C8orf34: variants seen among roughly 807,000 people sequenced by gnomAD.
C8orf34 encodes the protein chromosome 8 open reading frame 34.
C8orf34 carries 65 observed loss-of-function variants against 68.3 expected under a neutral mutation model. The ratio of observed to expected loss-of-function variants is 0.95; its 90% CI spans 0.78 to 1.17. The LOEUF is 1.17. C8orf34 is among the 50% of genes most tolerant of loss of function. The pLI is 0.00. For synonymous variants in C8orf34, 244 were observed against 241.2 expected, an observed-to-expected ratio of 1.01 and a Z score of -0.11; for missense variants, 664 against 655.4, an observed-to-expected ratio of 1.01 and a Z score of -0.14.
At chr8:68,683,395 C>G (rs1820424745) in intron 8 of C8orf34, among the ~76,000 whole-genome samples, 2 of 151,294 alleles carry the variant, frequency 1.3e-5, no homozygotes, top group East Asian at 3.9e-4. Flanking sequence ...TGAAGAGGAA[C>G]AAAGATTTCA....
chr8:68,347,317 G>A lies in C8orf34; in HGVS notation c.327+15978G>A, dbSNP rs957458800. 2.6e-5 allele frequency among the ~76,000 whole-genome samples: 4 copies of A among 152,210 alleles called. No homozygotes were observed. In the East Asian group the frequency reaches 7.7e-4, roughly 29 times the overall value. The stretch of plus-strand genomic sequence containing the variant: ...CTCATTCTTTTCTTACGGCTGCATA[G>A]CATTCCATGGTGTATACGTACTACA... On this transcript the variant is annotated intron_variant, in intron 1 of 13. Transcript: ENST00000518698.
chr8:68,751,139 GT>G (rs779097348), intron 10 of C8orf34, among the ~76,000 whole-genome samples: 58 of 152,262 alleles, frequency 3.8e-4, no homozygotes, highest in Admixed American at 7.8e-4. Flanking sequence ...ATATCTCAGA[GT>G]TTTAGGAAAT....
intron 1 of C8orf34, among the ~76,000 whole-genome samples, chr8:68,369,227 A>G (rs187568074): frequency 2.0e-5 from 3 of 152,340 alleles, no homozygotes; most frequent in East Asian, 3.9e-4. Flanking sequence ...CAAATCTCTG[A>G]ACCATTCCAT....
intron 7 of C8orf34, among the ~76,000 whole-genome samples, chr8:68,588,816 C>G (rs139461800): frequency 1.2e-4 from 19 of 152,138 alleles, no homozygotes; most frequent in South Asian, 4.1e-4. Flanking sequence ...AGTTAGTCCT[C>G]TCTAACAATG....
At chr8:68,810,616 C>T (rs955197210) in intron 12 of C8orf34, among the ~76,000 whole-genome samples, 1 of 152,160 alleles carries the variant, frequency 6.6e-6, no homozygotes, top group African/African-American at 2.4e-5. Context: ...AGTTCTTGTC[C>T]TCCATCCAGG....
chr8:68,801,016 G>T (rs868092638), intron 12 of C8orf34, among the ~76,000 whole-genome samples: 2 of 152,228 alleles, frequency 1.3e-5, no homozygotes, highest in South Asian at 4.1e-4. Context: ...TTCTAATTGA[G>T]ATTTCTTTCT....
intron 3 of C8orf34, among the ~76,000 whole-genome samples, chr8:68,453,537 G>A (rs375771933): frequency 1.2e-4 from 19 of 152,060 alleles, no homozygotes; most frequent in African/African-American, 4.1e-4. Flanking sequence ...AGATGCTATC[G>A]TAAATGGAAT....
intron 1 of C8orf34, among the ~76,000 whole-genome samples, chr8:68,388,421 G>T (rs1168926931): frequency 6.6e-6 from 1 of 151,984 alleles, no homozygotes; most frequent in Non-Finnish European, 1.5e-5. Flanking sequence ...TAAAGTACAT[G>T]TAACCACTTT....
intron 10 of C8orf34, among the ~76,000 whole-genome samples, chr8:68,741,989 A>T (rs1056388309): frequency 1.3e-5 from 2 of 152,106 alleles, no homozygotes; most frequent in Non-Finnish European, 2.9e-5. Flanking sequence ...TCTATCTCCA[A>T]AGTTTTTCTA....
chr8:68,420,502 C>T (rs1385819306), intron 1 of C8orf34, among the ~76,000 whole-genome samples: 1 of 151,822 alleles, frequency 6.6e-6, no homozygotes, highest in African/African-American at 2.4e-5. Flanking sequence ...AAATCATTCC[C>T]CAAAACTAAT....
At chr8:68,530,501 C>A in intron 6 of C8orf34, 2 of 382,658 alleles carry the variant, frequency 5.2e-6, no homozygotes, top group East Asian at 8.3e-5. Flanking sequence ...CTAAGAAATC[C>A]AAATTAAAAT....
At chr8:68,630,849 A>T (rs1397315477) in intron 7 of C8orf34, among the ~76,000 whole-genome samples, 2 of 151,768 alleles carry the variant, frequency 1.3e-5, no homozygotes, top group African/African-American at 4.8e-5. Context: ...GCACAATCAG[A>T]GCTCACTGCA....
intron 3 of C8orf34, among the ~76,000 whole-genome samples, chr8:68,451,830 G>C (rs1349480450): frequency 1.3e-5 from 2 of 151,984 alleles, no homozygotes. Flanking sequence ...GAAAAATTAA[G>C]CTGATAGACT....
chr8:68,775,173 A>G (rs1324256798), intron 10 of C8orf34, among the ~76,000 whole-genome samples: 3 of 151,770 alleles, frequency 2.0e-5, no homozygotes, highest in African/African-American at 7.3e-5. Context: ...TCTTGGCCTC[A>G]GTTTCCCCAA....
chr8:68,619,453 C>T (rs1586462515), intron 7 of C8orf34, among the ~76,000 whole-genome samples: 2 of 151,690 alleles, frequency 1.3e-5, no homozygotes, highest in African/African-American at 4.9e-5. Flanking sequence ...ACAAGGCATG[C>T]AGGGAACCTG....
chr8:68,771,498 G>A (rs182129744), intron 10 of C8orf34, among the ~76,000 whole-genome samples: 7 of 152,202 alleles, frequency 4.6e-5, no homozygotes, highest in South Asian at 4.1e-4. Context: ...ATTTCAGTGC[G>A]TGGTATAATT....
intron 10 of C8orf34, among the ~76,000 whole-genome samples, chr8:68,758,650 G>A (rs1822938007): frequency 6.6e-6 from 1 of 152,076 alleles, no homozygotes; most frequent in Non-Finnish European, 1.5e-5. Context: ...AGGGATCGTG[G>A]CGGCTTGCTT....
At chr8:68,601,400 C>A (rs1223059810) in intron 7 of C8orf34, among the ~76,000 whole-genome samples, 1 of 151,822 alleles carries the variant, frequency 6.6e-6, no homozygotes, top group Non-Finnish European at 1.5e-5. Flanking sequence ...GTCCCTAAGA[C>A]TGTTTTTTTT....
chr8:68,541,198 C>G (rs1039043555), intron 7 of C8orf34, among the ~76,000 whole-genome samples: 14 of 152,094 alleles, frequency 9.2e-5, no homozygotes, highest in African/African-American at 3.4e-4. Context: ...CATGCTGGCT[C>G]ACACCTGTAA....
Sources: allele counts gnomAD v4.1 joint callset (sites outside exome capture counted in the v4.1 genomes callset), GRCh38; gene constraint gnomAD v4.1.1; transcripts MANE v1.5; gene names NCBI Gene and HGNC (gene_info 2026-07-23, HGNC 2026-07-21).